Variants in EYS observed in about 807,000 individuals in gnomAD.
The protein encoded by EYS is protein eyes shut homolog.
In EYS, 250 loss-of-function variants were observed where a neutral mutation model predicts 282.1. The observed-to-expected ratio is 0.89, with a 90% CI of 0.80 to 0.98. EYS has a LOEUF of 0.98. EYS is among the 50% of genes least tolerant of loss of function. The pLI is 0.00. For missense variants in EYS, 4,016 were observed against 3,709.0 expected (o/e 1.08, Z -2.15); for synonymous variants, 1,355 against 1,282.9 (o/e 1.06, Z -1.20).
At chr6:64,337,269 T>C (rs1365102891) in intron 29 of EYS, among the ~76,000 whole-genome samples, 1 of 151,994 alleles carries the variant, frequency 6.6e-6, no homozygotes, top group Admixed American at 6.6e-5. Flanking sequence ...AAACTTCAAA[T>C]AACCTCATTA....
rs192440982 is a variant in EYS at position 65,377,420 on chromosome 6, C to T, written c.1299+6966G>A. On this transcript the variant is annotated intron_variant, in intron 8 of 42. Coordinates refer to ENST00000503581, the MANE Select transcript of EYS (RefSeq NM_001142800.2). Reference sequence around the variant, plus strand: ...AGCACCAGATGCCCACATCAGAAAGCAGGAAAGATCTAAAATTGACACCCT... The same window carrying T: ...AGCACCAGATGCCCACATCAGAAAGTAGGAAAGATCTAAAATTGACACCCT... Among the ~76,000 whole-genome samples, 4 of 152,028 alleles carry T rather than the reference C, an allele frequency of 2.6e-5. No individual in the cohort carries two copies. The East Asian group carries it at 7.7e-4, about 29-fold the overall frequency.
At chr6:64,694,575 T>C (rs1423154750) in intron 22 of EYS, among the ~76,000 whole-genome samples, 1 of 152,148 alleles carries the variant, frequency 6.6e-6, no homozygotes, top group Non-Finnish European at 1.5e-5. Context: ...CCATTCTTTA[T>C]CCTTTAATTC....
chr6:64,314,316 T>C (rs1425148094), intron 29 of EYS, among the ~76,000 whole-genome samples: 1 of 151,058 alleles, frequency 6.6e-6, no homozygotes, highest in Non-Finnish European at 1.5e-5. Flanking sequence ...AAGGGATTAA[T>C]GCAACAGGAA....
chr6:64,523,914 A>G (rs1229161721), intron 26 of EYS, among the ~76,000 whole-genome samples: 1 of 151,786 alleles, frequency 6.6e-6, no homozygotes, highest in Non-Finnish European at 1.5e-5. Flanking sequence ...TTTTATCTAT[A>G]TAAATAAGAG....
At position 63,955,211 on chromosome 6, in the gene EYS, A is replaced by C. The variant is rs567397366; in HGVS notation, c.7055+29172T>G. 1.2e-3 allele frequency among the ~76,000 whole-genome samples: 178 copies of C among 152,238 alleles called. 1 individual carries two copies. The Middle Eastern group carries it at 0.024, about 20-fold the overall frequency. ...TCCCACCTCTATACACTCCAATAAC[A>C]GACCAGCCTTCATCCCTATCTTCTG... On this transcript the variant is annotated intron_variant, in intron 35 of 42. Transcript: ENST00000503581.
intron 29 of EYS, among the ~76,000 whole-genome samples, chr6:64,333,647 G>A (rs537472005): frequency 6.6e-6 from 1 of 152,260 alleles, no homozygotes; most frequent in South Asian, 2.1e-4. Flanking sequence ...CCTTTGATCA[G>A]GCAGGAGCTC....
At chr6:65,429,908 T>A (rs898847866) in intron 5 of EYS, among the ~76,000 whole-genome samples, 2 of 152,190 alleles carry the variant, frequency 1.3e-5, no homozygotes, top group African/African-American at 4.8e-5. Flanking sequence ...GTAATACTTT[T>A]AGTTTACTAC....
At chr6:64,774,123 T>A (rs961496331) in intron 22 of EYS, among the ~76,000 whole-genome samples, 3 of 151,930 alleles carry the variant, frequency 2.0e-5, no homozygotes, top group African/African-American at 7.2e-5. Flanking sequence ...TTTTGTTTTA[T>A]AAAAATACAG....
intron 29 of EYS, among the ~76,000 whole-genome samples, chr6:64,308,834 C>A (rs533162856): frequency 3.3e-4 from 50 of 152,002 alleles, no homozygotes; most frequent in Non-Finnish European, 4.0e-4. Context: ...ATATTTCACA[C>A]AGTAAGTTTA....
rs771590027 is a variant in EYS at position 65,335,189 on chromosome 6, C to G, written c.1600-43G>C. On this transcript the variant is annotated intron_variant, in intron 10 of 42. Coordinates refer to ENST00000503581, the MANE Select transcript of EYS (RefSeq NM_001142800.2). Reference sequence around the variant, plus strand: ...GTAAAAATGTTATGAATTCCCATCACTTACTACAATATTACAATTGTGACC... The same window carrying G: ...GTAAAAATGTTATGAATTCCCATCAGTTACTACAATATTACAATTGTGACC... The G allele has an allele frequency of 3.9e-6, 5 of 1,291,896 alleles. No homozygotes were observed. In the South Asian group the frequency reaches 5.9e-5, roughly 15 times the overall value. 80.0% of individuals were successfully genotyped at this position (1,291,896 alleles called of 1,614,324 possible). A position where few individuals can be genotyped will look rare whatever the true frequency, so the allele number is the denominator to read the frequency against.
chr6:64,860,263 A>G (rs9342439), intron 19 of EYS, among the ~76,000 whole-genome samples: 23,665 of 152,246 alleles, frequency 0.16, 2,170 homozygotes, highest in East Asian at 0.49. Flanking sequence ...CAGTGGTGCC[A>G]TTGCCCAAGT....
At chr6:65,467,246 A>G (rs913258891) in intron 5 of EYS, among the ~76,000 whole-genome samples, 10 of 152,144 alleles carry the variant, frequency 6.6e-5, no homozygotes, top group East Asian at 1.9e-4. Context: ...CCTCACTTAT[A>G]TAACAAAATT....
chr6:65,525,843 C>A (rs947110305), intron 2 of EYS, among the ~76,000 whole-genome samples: 1 of 152,150 alleles, frequency 6.6e-6, no homozygotes, highest in Non-Finnish European at 1.5e-5. Flanking sequence ...AGCACTCTTG[C>A]CCATTTATAA....
At chr6:65,577,706 A>G (rs1459967532) in intron 2 of EYS, among the ~76,000 whole-genome samples, 3 of 151,548 alleles carry the variant, frequency 2.0e-5, no homozygotes, top group Non-Finnish European at 4.4e-5. Context: ...CAAACTATAT[A>G]AAGAACTTAA....
chr6:65,363,869 A>T (rs1458426717), intron 8 of EYS, among the ~76,000 whole-genome samples: 1 of 151,650 alleles, frequency 6.6e-6, no homozygotes, highest in Non-Finnish European at 1.5e-5. Flanking sequence ...GTATAATCAA[A>T]TTTTACCCCA....
chr6:63,850,782 C>A (rs1425712898), intron 36 of EYS, among the ~76,000 whole-genome samples: 1 of 152,150 alleles, frequency 6.6e-6, no homozygotes, highest in Non-Finnish European at 1.5e-5. Flanking sequence ...TGCAAAATAA[C>A]CAGCTATCAT....
At chr6:65,426,592 C>G (rs745959736) in intron 5 of EYS, among the ~76,000 whole-genome samples, 1 of 152,068 alleles carries the variant, frequency 6.6e-6, no homozygotes, top group Non-Finnish European at 1.5e-5. Flanking sequence ...ATCACCTCCA[C>G]TTTTTAAATT....
intron 22 of EYS, among the ~76,000 whole-genome samples, chr6:64,761,893 T>C (rs1275846962): frequency 6.6e-6 from 1 of 152,302 alleles, no homozygotes; most frequent in Middle Eastern, 3.4e-3. Flanking sequence ...ACATAAAAAT[T>C]ACCTTTTGGG....
intron 36 of EYS, among the ~76,000 whole-genome samples, chr6:63,837,808 T>C (rs747690959): frequency 6.6e-6 from 1 of 152,184 alleles, no homozygotes; most frequent in African/African-American, 2.4e-5. Flanking sequence ...CAAGATTATA[T>C]TCCCCTCACA....
Sources: gnomAD v4.1 joint callset for allele counts (sites outside exome capture counted in the v4.1 genomes callset) on GRCh38, gnomAD v4.1.1 for gene constraint, MANE v1.5 for transcripts, NCBI Gene and HGNC (gene_info 2026-07-23, HGNC 2026-07-21) for gene names.